KLHL25: variants seen among roughly 807,000 people sequenced by gnomAD.
KLHL25 encodes the protein kelch like family member 25.
Under a neutral mutation model 30.0 loss-of-function variants are expected in KLHL25, and 41 were observed. The observed-to-expected ratio is 1.37, with a 90% CI of 1.07 to 1.78. KLHL25 has a LOEUF of 1.78. KLHL25 is among the 40% of genes most tolerant of loss of function. The pLI, the probability that KLHL25 is intolerant of heterozygous loss-of-function variation, is 0.00. For synonymous variants in KLHL25, 399 were observed against 355.3 expected (o/e 1.12, Z -1.38); for missense variants, 971 against 824.5 (o/e 1.18, Z -2.18).
chr15:85,774,412 A>G (rs2089696745), intron 1 of KLHL25, among the ~76,000 whole-genome samples: 1 of 152,200 alleles, frequency 6.6e-6, no homozygotes, highest in African/African-American at 2.4e-5. Flanking sequence ...CCGGGTAACA[A>G]TGTGCCCAGC....
At chr15:85,770,165 T>A (rs1481504067) in intron 1 of KLHL25, among the ~76,000 whole-genome samples, 1 of 152,222 alleles carries the variant, frequency 6.6e-6, no homozygotes, top group African/African-American at 2.4e-5. Flanking sequence ...GAGGCTGGTG[T>A]CCGGGCAGTG....
intron 1 of KLHL25, among the ~76,000 whole-genome samples, chr15:85,775,487 G>A (rs1474527756): frequency 3.3e-5 from 5 of 152,120 alleles, no homozygotes; most frequent in Non-Finnish European, 7.3e-5. Context: ...TCGGAGTCAG[G>A]ATTCCACCAA....
At chr15:85,765,569 T>C (rs989456544) in intron 2 of KLHL25, among the ~76,000 whole-genome samples, 8 of 145,228 alleles carry the variant, frequency 5.5e-5, no homozygotes, top group Non-Finnish European at 1.0e-4. Context: ...GAGGTTGCAG[T>C]GAGCAGAGAT....
intron 1 of KLHL25, among the ~76,000 whole-genome samples, chr15:85,777,903 G>A (rs999600621): frequency 1.3e-5 from 2 of 152,174 alleles, no homozygotes; most frequent in Non-Finnish European, 1.5e-5. Flanking sequence ...TCAAATGCAC[G>A]ACTATCATGT....
intron 2 of KLHL25, among the ~76,000 whole-genome samples, chr15:85,765,874 G>C (rs1329252128): frequency 6.6e-6 from 1 of 150,504 alleles, no homozygotes; most frequent in African/African-American, 2.4e-5. Flanking sequence ...AAAGAAAAAA[G>C]AAAACTGGTG....
intron 1 of KLHL25, among the ~76,000 whole-genome samples, chr15:85,794,084 C>G (rs1193628086): frequency 2.0e-5 from 3 of 152,178 alleles, no homozygotes; most frequent in Non-Finnish European, 1.5e-5. Flanking sequence ...CGGTGTGTCT[C>G]GGAGCCAGGG....
rs561216054 is a variant in KLHL25 at position 85,759,361 on chromosome 15, T to C, written c.*1675A>G. 1 of 152,638 alleles carries C rather than the reference T, an allele frequency of 6.6e-6. No homozygotes were observed. The highest frequency in any genetic ancestry group is 2.1e-4 in the South Asian group (1 of 4,830). 9.5% of individuals were successfully genotyped at this position (152,638 alleles called of 1,614,324 possible). On this transcript the variant is annotated 3_prime_UTR_variant, in exon 3 of 3. Coordinates refer to ENST00000337975, the MANE Select transcript of KLHL25 (RefSeq NM_022480.4). ...TCTTTTTATTAAGTTAGAAAACTGATAAAAGCAACACAACTTTTGGGGAAA... is the reference window on the plus strand; with the variant it reads ...TCTTTTTATTAAGTTAGAAAACTGACAAAAGCAACACAACTTTTGGGGAAA...
chr15:85,778,483 C>T (rs2089724344), intron 1 of KLHL25, among the ~76,000 whole-genome samples: 1 of 152,220 alleles, frequency 6.6e-6, no homozygotes, highest in Admixed American at 6.5e-5. Context: ...TGTTAACTCA[C>T]CTCATCCCTA....
At chr15:85,794,714 G>A (rs1176713380) in intron 1 of KLHL25, 52 bp downstream of exon 1, 1 of 152,256 alleles carries the variant, frequency 6.6e-6, no homozygotes, top group Admixed American at 6.5e-5. Context: ...GGGAGCGGGG[G>A]CGCGGGTGCT....
chr15:85,769,897 A>G, intron 1 of KLHL25, 77 bp from the exon 2 acceptor site: 2 of 1,229,568 alleles, frequency 1.6e-6, no homozygotes, highest in Non-Finnish European at 2.3e-6. Context: ...TCTTCAGCAC[A>G]AGCCCCCTTG....
At chr15:85,791,128 G>T (rs189509513) in intron 1 of KLHL25, among the ~76,000 whole-genome samples, 1 of 147,472 alleles carries the variant, frequency 6.8e-6, no homozygotes. Context: ...TTGAGAGGTG[G>T]AGATTGCAGT....
intron 1 of KLHL25, among the ~76,000 whole-genome samples, chr15:85,781,155 T>C (rs1454928487): frequency 6.6e-6 from 1 of 152,132 alleles, no homozygotes. Context: ...GCCAACATGG[T>C]GGTGGCGGGC....
chr15:85,786,575 T>C (rs2089782937), intron 1 of KLHL25, among the ~76,000 whole-genome samples: 1 of 152,220 alleles, frequency 6.6e-6, no homozygotes, highest in Non-Finnish European at 1.5e-5. Flanking sequence ...GCTCATTTCT[T>C]TATTCCTGCA....
chr15:85,762,030 T>C (rs529257249), intron 2 of KLHL25: 1 of 152,248 alleles, frequency 6.6e-6, no homozygotes, highest in African/African-American at 2.4e-5. Context: ...CACACAGTGC[T>C]GGGCCGTCTG....
chr15:85,769,186 C>T lies in KLHL25; in HGVS notation c.625G>A (p.Val209Met), dbSNP rs750487749. Residue 209 changes from valine (V) to methionine (M), a missense_variant, in exon 2 of 3, where the codon GTG (valine) becomes ATG (methionine). Coordinates refer to ENST00000337975, the MANE Select transcript of KLHL25 (RefSeq NM_022480.4). ...CACTGGAGGATGGCCTCGAAGACCA[C>T]CCGCTCGTCCTCGGTCTCCAGCTCA... ...SDELETEDER[V>M]VFEAILQWVK... 47 of 1,613,472 alleles carry T rather than the reference C, an allele frequency of 2.9e-5. No individual in the cohort carries two copies. The highest frequency in any genetic ancestry group is 3.6e-5 in the Non-Finnish European group (43 of 1,180,014).
intron 1 of KLHL25, among the ~76,000 whole-genome samples, chr15:85,773,457 C>T (rs949839897): frequency 6.6e-6 from 1 of 152,242 alleles, no homozygotes; most frequent in Non-Finnish European, 1.5e-5. Flanking sequence ...GCCGCCTCCT[C>T]CTCGCACTCA....
rs2089788304 is a variant in KLHL25 at position 85,787,515 on chromosome 15, G to T, written c.-11+7251C>A. Among the ~76,000 whole-genome samples the T allele has an allele frequency of 2.6e-5, 4 of 152,186 alleles. No homozygotes were observed. In the South Asian group the frequency reaches 8.3e-4, roughly 31 times the overall value. On this transcript the variant is annotated intron_variant, in intron 1 of 2. Transcript: ENST00000337975. ...ACTATTATTAGTGAAAGAGTAAACT[G>T]GGTAAATCTTTGCAAAGGGCATTTG...
intron 1 of KLHL25, among the ~76,000 whole-genome samples, chr15:85,781,975 A>G (rs960192038): frequency 1.3e-5 from 2 of 151,780 alleles, no homozygotes; most frequent in Admixed American, 1.3e-4. Flanking sequence ...GCCTCCCTCT[A>G]ATGACCTGGC....
rs2089731887 is a variant in KLHL25 at position 85,779,714 on chromosome 15, T to C, written c.-10-9894A>G. Among the ~76,000 whole-genome samples the C allele has an allele frequency of 2.0e-5, 3 of 152,228 alleles. No homozygotes were observed. In the South Asian group the frequency reaches 6.2e-4, roughly 32 times the overall value. On this transcript the variant is annotated intron_variant, in intron 1 of 2. Coordinates refer to ENST00000337975, the MANE Select transcript of KLHL25 (RefSeq NM_022480.4). ...TCTGCCCTCACTACTGAACAAAGAC[T>C]GATTAAAGGCCTGCCAAGTGCAGGC...
Sources: gnomAD v4.1 joint callset for allele counts (sites outside exome capture counted in the v4.1 genomes callset) on GRCh38, gnomAD v4.1.1 for gene constraint, MANE v1.5 for transcripts, NCBI Gene and HGNC (gene_info 2026-07-23, HGNC 2026-07-21) for gene names.